Variants in PRKG1 observed in about 807,000 individuals in gnomAD.
The protein encoded by PRKG1 is protein kinase cGMP-dependent 1.
PRKG1 carries 35 observed loss-of-function variants against 88.1 expected under a neutral mutation model. The observed-to-expected ratio is 0.40, with a 90% confidence interval of 0.30 to 0.53. The LOEUF is 0.53. PRKG1 is among the 20% of genes least tolerant of loss of function. PRKG1 has a pLI of 0.59. For missense variants in PRKG1, 540 were observed against 839.8 expected (o/e 0.64, Z 4.41); for synonymous variants, 303 against 292.5 (o/e 1.04, Z -0.37).
intron 7 of PRKG1, among the ~76,000 whole-genome samples, chr10:52,091,888 A>G (rs1178545610): frequency 1.3e-5 from 2 of 152,232 alleles, no homozygotes; most frequent in African/African-American, 2.4e-5. Context: ...TCCCAAATGT[A>G]CAATAATCAT....
At chr10:52,040,878 C>T (rs150843826) in intron 5 of PRKG1, among the ~76,000 whole-genome samples, 101 of 135,424 alleles carry the variant, frequency 7.5e-4, no homozygotes, top group African/African-American at 2.5e-3. Flanking sequence ...GCTTTGTCAC[C>T]CAGGCTGGAG....
chr10:51,748,649 T>C (rs1216058279), intron 3 of PRKG1, among the ~76,000 whole-genome samples: 1 of 152,212 alleles, frequency 6.6e-6, no homozygotes, highest in African/African-American at 2.4e-5. Context: ...CTGTCTTAAT[T>C]GGATGTTTAA....
At chr10:51,493,035 G>T (rs1373131220) in intron 3 of PRKG1, among the ~76,000 whole-genome samples, 1 of 151,966 alleles carries the variant, frequency 6.6e-6, no homozygotes, top group African/African-American at 2.4e-5. Flanking sequence ...CTAAGAAATA[G>T]CTCCCATTTC....
chr10:51,195,328 A>C (rs1339246103), intron 2 of PRKG1, among the ~76,000 whole-genome samples: 1 of 152,206 alleles, frequency 6.6e-6, no homozygotes, highest in East Asian at 1.9e-4. Context: ...TGTTACTGGC[A>C]CTTGAGTTAC....
intron 3 of PRKG1, among the ~76,000 whole-genome samples, chr10:51,531,125 A>C (rs76078082): frequency 2.8e-3 from 434 of 152,308 alleles, no homozygotes; most frequent in Non-Finnish European, 5.5e-3. Context: ...TCAGTATAAA[A>C]ATCAATATAG....
chr10:51,442,623 C>T (rs1342543515), intron 2 of PRKG1, among the ~76,000 whole-genome samples: 1 of 151,906 alleles, frequency 6.6e-6, no homozygotes, highest in Admixed American at 6.6e-5. Context: ...GTGGCCTAGA[C>T]ATGTGGATTA....
chr10:52,009,131 T>A (rs1200820356), intron 5 of PRKG1, among the ~76,000 whole-genome samples: 3 of 152,078 alleles, frequency 2.0e-5, no homozygotes, highest in Non-Finnish European at 4.4e-5. Flanking sequence ...GTGCCCTCTC[T>A]CACCACTCCT....
At chr10:51,580,460 T>C (rs1838001891) in intron 3 of PRKG1, among the ~76,000 whole-genome samples, 1 of 152,162 alleles carries the variant, frequency 6.6e-6, no homozygotes, top group African/African-American at 2.4e-5. Context: ...TGGTACCACT[T>C]TGTACTTTTA....
intron 5 of PRKG1, among the ~76,000 whole-genome samples, chr10:52,053,086 A>G (rs1164330625): frequency 1.3e-5 from 2 of 152,158 alleles, no homozygotes; most frequent in African/African-American, 2.4e-5. Context: ...TATTATTTTT[A>G]TTTAGAAATA....
intron 5 of PRKG1, among the ~76,000 whole-genome samples, chr10:52,033,953 T>TG (rs1039247930): frequency 7.4e-6 from 1 of 135,266 alleles, no homozygotes; most frequent in East Asian, 2.1e-4. Flanking sequence ...CAGGCAGCAG[T>TG]GGGGGTCGCA....
At chr10:51,132,351 C>T (rs1009801964) in intron 1 of PRKG1, among the ~76,000 whole-genome samples, 1 of 152,086 alleles carries the variant, frequency 6.6e-6, no homozygotes, top group Non-Finnish European at 1.5e-5. Flanking sequence ...TATTACTACA[C>T]CTCATCTCTT....
intron 2 of PRKG1, among the ~76,000 whole-genome samples, chr10:51,341,664 G>A (rs144224089): frequency 2.0e-5 from 3 of 152,276 alleles, no homozygotes; most frequent in African/African-American, 4.8e-5. Context: ...ATAGGAAGTG[G>A]TGTATAGTGA....
intron 3 of PRKG1, among the ~76,000 whole-genome samples, chr10:51,756,104 G>C (rs1367411573): frequency 6.6e-6 from 1 of 152,098 alleles, no homozygotes; most frequent in Non-Finnish European, 1.5e-5. Context: ...ATAACATTGG[G>C]GGCAGACAAG....
At chr10:51,718,793 G>A (rs1379647063) in intron 3 of PRKG1, among the ~76,000 whole-genome samples, 1 of 151,772 alleles carries the variant, frequency 6.6e-6, no homozygotes, top group Non-Finnish European at 1.5e-5. Flanking sequence ...GTAGGGGCCA[G>A]GGGTGAGGGG....
intron 8 of PRKG1, among the ~76,000 whole-genome samples, chr10:52,150,019 G>A (rs1837857189): frequency 6.6e-6 from 1 of 151,640 alleles, no homozygotes; most frequent in African/African-American, 2.4e-5. Flanking sequence ...ATGGTGGTGG[G>A]TGCCTGTAAT....
intron 3 of PRKG1, among the ~76,000 whole-genome samples, chr10:51,646,424 T>G (rs1281276647): frequency 6.6e-6 from 1 of 152,196 alleles, no homozygotes; most frequent in Non-Finnish European, 1.5e-5. Context: ...GTCCTTCCGC[T>G]TCGCATTTTT....
chr10:51,553,483 T>C (rs1837193531), intron 3 of PRKG1, among the ~76,000 whole-genome samples: 1 of 151,608 alleles, frequency 6.6e-6, no homozygotes, highest in Non-Finnish European at 1.5e-5. Context: ...GAAACAGTTT[T>C]AACCAGTATC....
At chr10:51,265,093 C>CT (rs199686334) in intron 2 of PRKG1, among the ~76,000 whole-genome samples, 12 of 151,688 alleles carry the variant, frequency 7.9e-5, no homozygotes, top group South Asian at 2.1e-4. Flanking sequence ...GCATGCAATT[C>CT]TTTTTTTAAA....
At chr10:51,772,200 G>A (rs1838321502) in intron 3 of PRKG1, among the ~76,000 whole-genome samples, 1 of 152,084 alleles carries the variant, frequency 6.6e-6, no homozygotes, top group Non-Finnish European at 1.5e-5. Context: ...CTTTCTAGAA[G>A]GCAATTTGGA....
Sources: gnomAD v4.1 joint callset for allele counts (sites outside exome capture counted in the v4.1 genomes callset) on GRCh38, gnomAD v4.1.1 for gene constraint, MANE v1.5 for transcripts, NCBI Gene and HGNC (gene_info 2026-07-23, HGNC 2026-07-21) for gene names.